Variants in LAMA4 observed in about 807,000 individuals in gnomAD.
LAMA4 encodes the protein laminin subunit alpha 4, also known as laminin subunit alpha-4.
A neutral mutation model predicts 207.1 loss-of-function variants in LAMA4; 127 were observed. That is an observed-to-expected ratio of 0.61 (90% CI 0.53 to 0.71). The LOEUF is 0.71. Among genes scored for constraint, LAMA4 ranks in the 30% least tolerant of loss-of-function variants. The pLI is 0.00. For synonymous variants in LAMA4, 761 were observed against 816.0 expected, an observed-to-expected ratio of 0.93 and a Z score of 1.15; for missense variants, 2,093 against 2,246.5, an observed-to-expected ratio of 0.93 and a Z score of 1.38.
chr6:112,165,185 A>C lies in LAMA4; in HGVS notation c.1643T>G (p.Leu548Arg). The stretch of plus-strand genomic sequence containing the variant: ...CTTTATTATATCATCAAGTTCTGAA[A>C]GAGTTAGACGAGGTGTTGTCAGAGA... ...ADSLTTPRLT[L>R]SELDDIIKNA... The change falls in exon 13 of 39, where the codon CTT (leucine) becomes CGT (arginine). Residue 548 changes from leucine (L) to arginine (R), a missense_variant. Leu to Arg is a moderately radical substitution (Grantham distance 102). Around this residue, in one of 3 missense-constraint regions of LAMA4, gnomAD observed 1,704 missense variants for 1,788.4 expected, o/e 0.95. Coordinates refer to ENST00000230538, the MANE Select transcript of LAMA4 (RefSeq NM_001105206.3). The C allele has an allele frequency of 3.1e-6, 5 of 1,609,790 alleles. No homozygotes were observed. The highest frequency in any genetic ancestry group is 4.3e-6 in the Non-Finnish European group (5 of 1,176,002).
chr6:112,204,713 T>G (rs1554353644), intron 4 of LAMA4, among the ~76,000 whole-genome samples: 1 of 151,988 alleles, frequency 6.6e-6, no homozygotes, highest in East Asian at 1.9e-4. Context: ...CAAGACGGAG[T>G]GAAGGGAGCT....
Position 112,119,162 on chromosome 6 carries a change from A to AT in LAMA4, c.4814dup (p.Asn1605LysfsTer5), listed in dbSNP as rs1778199823. On this transcript the variant is annotated frameshift_variant, in exon 34 of 39. Transcript: ENST00000230538. LOFTEE classifies it high-confidence loss of function. ...CTGGTCATGCCTGGCTTACCTGAAC[A>AT]TTTTTCACAGCCTTTCCAGGAGCCA... 3 of 1,613,676 alleles carry AT rather than the reference A, an allele frequency of 1.9e-6. No homozygotes were observed. In the African/African-American group the frequency reaches 4.0e-5, roughly 22 times the overall value.
At chr6:112,198,217 G>A (rs1262818606) in intron 5 of LAMA4, among the ~76,000 whole-genome samples, 1 of 152,076 alleles carries the variant, frequency 6.6e-6, no homozygotes, top group Non-Finnish European at 1.5e-5. Context: ...AAGGGGAGTT[G>A]GGGAGGGCTC....
chr6:112,156,231 C>T (rs1419793288), intron 14 of LAMA4, among the ~76,000 whole-genome samples: 4 of 152,098 alleles, frequency 2.6e-5, no homozygotes, highest in African/African-American at 9.7e-5. Context: ...CACCTCAGCC[C>T]ACCCTCACCC....
At chr6:112,240,440 A>G (rs1786327858) in intron 2 of LAMA4, among the ~76,000 whole-genome samples, 1 of 152,160 alleles carries the variant, frequency 6.6e-6, no homozygotes, top group African/African-American at 2.4e-5. Flanking sequence ...TGTACAATTA[A>G]GTTATTATTG....
chr6:112,191,248 C>G (rs1211726039), intron 6 of LAMA4, among the ~76,000 whole-genome samples: 2 of 151,992 alleles, frequency 1.3e-5, no homozygotes, highest in African/African-American at 4.8e-5. Flanking sequence ...TCCCAAAGTG[C>G]TGGGATTACA....
intron 38 of LAMA4, among the ~76,000 whole-genome samples, chr6:112,111,796 C>T (rs1562619416): frequency 6.6e-6 from 1 of 152,148 alleles, no homozygotes; most frequent in African/African-American, 2.4e-5. Context: ...CTGAATTTGG[C>T]TTTAGGTACA....
chr6:112,116,118 G>C, intron 35 of LAMA4, 125 bp from the exon 36 acceptor site: 1 of 948,966 alleles, frequency 1.1e-6, no homozygotes, highest in Non-Finnish European at 1.6e-6. Context: ...TAACAGATAA[G>C]TAGAAAGTGG....
intron 19 of LAMA4, among the ~76,000 whole-genome samples, chr6:112,143,560 AG>A (rs1372983974): frequency 6.6e-6 from 1 of 152,224 alleles, no homozygotes; most frequent in East Asian, 1.9e-4. Context: ...CTGAGATTAC[AG>A]GCATGAGCCA....
At chr6:112,170,816 G>A (rs1781666031) in intron 12 of LAMA4, among the ~76,000 whole-genome samples, 1 of 152,200 alleles carries the variant, frequency 6.6e-6, no homozygotes, top group Non-Finnish European at 1.5e-5. Flanking sequence ...TTACAGGATT[G>A]GAGTATAGGG....
chr6:112,146,763 A>G (rs1478124694), intron 18 of LAMA4, among the ~76,000 whole-genome samples: 1 of 152,210 alleles, frequency 6.6e-6, no homozygotes, highest in Non-Finnish European at 1.5e-5. Flanking sequence ...CTCCAGTGCA[A>G]GGAATAGAAT....
intron 21 of LAMA4, among the ~76,000 whole-genome samples, 193 bp from the exon 22 acceptor site, chr6:112,141,115 G>A (rs1562653157): frequency 6.6e-6 from 1 of 151,996 alleles, no homozygotes; most frequent in Non-Finnish European, 1.5e-5. Context: ...GATTGACCAG[G>A]TAAAATCTAA....
chr6:112,252,236 C>T (rs1212734051), intron 2 of LAMA4, among the ~76,000 whole-genome samples: 1 of 152,208 alleles, frequency 6.6e-6, no homozygotes. Context: ...GGATCTGTAA[C>T]TTGACCAAGG....
At chr6:112,127,702 T>C (rs1778785271) in intron 31 of LAMA4, among the ~76,000 whole-genome samples, 1 of 152,150 alleles carries the variant, frequency 6.6e-6, no homozygotes, top group South Asian at 2.1e-4. Flanking sequence ...GAGAATAGGC[T>C]ATCAGGGAAC....
chr6:112,214,389 A>G (rs1784514652), intron 3 of LAMA4, among the ~76,000 whole-genome samples: 2 of 152,046 alleles, frequency 1.3e-5, no homozygotes, highest in African/African-American at 4.8e-5. Flanking sequence ...TAGCCACTAT[A>G]TCTTCTTTCT....
At chr6:112,237,744 T>C (rs1786039059) in intron 2 of LAMA4, among the ~76,000 whole-genome samples, 1 of 152,192 alleles carries the variant, frequency 6.6e-6, no homozygotes, top group African/African-American at 2.4e-5. Context: ...TGACAAACCA[T>C]CTTGACAGAA....
intron 3 of LAMA4, among the ~76,000 whole-genome samples, chr6:112,209,367 G>A (rs1446286111): frequency 6.6e-6 from 1 of 152,138 alleles, no homozygotes; most frequent in Non-Finnish European, 1.5e-5. Flanking sequence ...TTCCTTGTCA[G>A]GGCTTTAATT....
intron 5 of LAMA4, among the ~76,000 whole-genome samples, chr6:112,192,516 T>C (rs1460256077): frequency 1.3e-5 from 2 of 152,202 alleles, no homozygotes; most frequent in African/African-American, 4.8e-5. Context: ...CACAGATCAA[T>C]GGAGTTGGAG....
intron 25 of LAMA4, 155 bp downstream of exon 25, chr6:112,135,968 G>T: frequency 1.5e-6 from 1 of 656,812 alleles, no homozygotes; most frequent in East Asian, 2.8e-5. Flanking sequence ...TGTTTTCCTA[G>T]GGTTGAGAAG....
Sources: allele counts gnomAD v4.1 joint callset (sites outside exome capture counted in the v4.1 genomes callset), GRCh38; gene constraint gnomAD v4.1.1; regional missense constraint gnomAD v4.1.1; transcripts MANE v1.5; gene names NCBI Gene and HGNC (gene_info 2026-07-23, HGNC 2026-07-21).